NAALADL2: variants seen among roughly 807,000 people sequenced by gnomAD.
NAALADL2 encodes the protein inactive N-acetylated-alpha-linked acidic dipeptidase-like protein 2.
In NAALADL2, 76 loss-of-function variants were observed where a neutral mutation model predicts 87.2. That is an observed-to-expected ratio of 0.87 (90% CI 0.72 to 1.05). NAALADL2 has a LOEUF of 1.05. Ranked by LOEUF, NAALADL2 falls within the 50% of genes least tolerant of loss-of-function variation. The pLI is 0.00. For synonymous variants in NAALADL2, 354 were observed against 331.0 expected (o/e 1.07, Z -0.75); for missense variants, 1,089 against 945.8 (o/e 1.15, Z -1.99).
At chr3:174,965,312 A>G (rs1022986350) in intron 1 of NAALADL2, among the ~76,000 whole-genome samples, 1 of 152,156 alleles carries the variant, frequency 6.6e-6, no homozygotes, top group Non-Finnish European at 1.5e-5. Flanking sequence ...TCAAGGTCAA[A>G]TGAGGACAGA....
At chr3:175,710,261 T>A (rs185687753) in intron 11 of NAALADL2, among the ~76,000 whole-genome samples, 217 of 152,120 alleles carry the variant, frequency 1.4e-3, no homozygotes, top group Admixed American at 2.7e-3. Context: ...TATGAAGGTA[T>A]GGTATGTACC....
intron 5 of NAALADL2, among the ~76,000 whole-genome samples, chr3:175,432,059 A>G (rs2149165176): frequency 6.6e-6 from 1 of 152,180 alleles, no homozygotes; most frequent in East Asian, 1.9e-4. Flanking sequence ...CAGTAATGAC[A>G]TCAGAATTTT....
At chr3:175,601,242 C>A (rs1268266206) in intron 10 of NAALADL2, among the ~76,000 whole-genome samples, 1 of 151,986 alleles carries the variant, frequency 6.6e-6, no homozygotes, top group Non-Finnish European at 1.5e-5. Flanking sequence ...ATGTTTTAAA[C>A]TAATTAAAAT....
intron 3 of NAALADL2, among the ~76,000 whole-genome samples, chr3:174,834,125 T>G (rs1041096975): frequency 1.3e-5 from 2 of 148,630 alleles, no homozygotes; most frequent in African/African-American, 5.1e-5. Flanking sequence ...AAAGCAGGAT[T>G]TATTCCCAAA....
Position 175,013,301 on chromosome 3 carries a change from A to ATATATTTTTTTT in NAALADL2, c.44-83488_44-83487insATATTTTTTTTT, listed in dbSNP as rs1553916905. ...TACATATATATATATATATATATAT[A>ATATATTTTTTTT]TTTTTTTTTTTTTTTGAGACAGGGT... is the stretch of plus-strand genomic sequence containing the variant. On this transcript the variant is annotated intron_variant, in intron 1 of 13. Coordinates refer to ENST00000454872, the MANE Select transcript of NAALADL2 (RefSeq NM_207015.3). Among the ~76,000 whole-genome samples the ATATATTTTTTTT allele has an allele frequency of 1.1e-4, 8 of 72,074 alleles. 1 individual carries two copies. The highest frequency in any genetic ancestry group is 4.1e-4 in the East Asian group (1 of 2,410). 47.3% of individuals were successfully genotyped at this position (72,074 alleles called of 152,430 possible). A position where few individuals can be genotyped will look rare whatever the true frequency, so the allele number is the denominator to read the frequency against.
chr3:174,874,271 G>T (rs1054914530), intron 1 of NAALADL2, among the ~76,000 whole-genome samples: 1 of 152,110 alleles, frequency 6.6e-6, no homozygotes, highest in Non-Finnish European at 1.5e-5. Context: ...TTTGTGGAAA[G>T]CTCCAAATTC....
Position 175,503,278 on chromosome 3 carries a change from T to C in NAALADL2, c.1653+31520T>C, listed in dbSNP as rs527899055. 3.9e-5 allele frequency among the ~76,000 whole-genome samples: 6 copies of C among 152,230 alleles called. No homozygotes were observed. The East Asian group carries it at 1.2e-3, about 29-fold the overall frequency. ...ATGATCTCATTCTTTTTTATAGCTG[T>C]ATAGTGTCTCATGGTGTCTGTGTAC... On this transcript the variant is annotated intron_variant, in intron 9 of 13. Coordinates refer to ENST00000454872, the MANE Select transcript of NAALADL2 (RefSeq NM_207015.3).
At chr3:175,593,556 T>G (rs1230636888) in intron 10 of NAALADL2, among the ~76,000 whole-genome samples, 1 of 152,168 alleles carries the variant, frequency 6.6e-6, no homozygotes, top group Non-Finnish European at 1.5e-5. Flanking sequence ...GAGACTAAAA[T>G]TCCAATATCA....
Position 175,444,024 on chromosome 3 carries a change from G to T in NAALADL2, c.1091-3205G>T, listed in dbSNP as rs144829910. 4.1e-3 allele frequency among the ~76,000 whole-genome samples: 617 copies of T among 152,246 alleles called. 6 individuals are homozygous for T. The highest frequency in any genetic ancestry group is 0.014 in the African/African-American group (581 of 41,564). Reference sequence around the variant, plus strand: ...TGGCTTAAGCAAAAACATGGGGGACGTGGCTCATGGAGTATGTAAGGGTAT... The same window carrying T: ...TGGCTTAAGCAAAAACATGGGGGACTTGGCTCATGGAGTATGTAAGGGTAT... On this transcript the variant is annotated intron_variant, in intron 5 of 13. Coordinates refer to ENST00000454872, the MANE Select transcript of NAALADL2 (RefSeq NM_207015.3).
chr3:175,311,604 C>T (rs941987054), intron 4 of NAALADL2, among the ~76,000 whole-genome samples: 1 of 151,166 alleles, frequency 6.6e-6, no homozygotes, highest in East Asian at 2.0e-4. Flanking sequence ...CCTTACCCAC[C>T]CTCTTTCCTT....
intron 2 of NAALADL2, among the ~76,000 whole-genome samples, chr3:175,187,524 T>C (rs776565349): frequency 3.9e-5 from 6 of 152,218 alleles, no homozygotes; most frequent in Non-Finnish European, 8.8e-5. Context: ...TCTTTAATTA[T>C]GGCCAACACA....
intron 1 of NAALADL2, among the ~76,000 whole-genome samples, chr3:175,029,607 A>G (rs1752590845): frequency 6.6e-6 from 1 of 152,124 alleles, no homozygotes; most frequent in East Asian, 1.9e-4. Context: ...TGACCAAATA[A>G]CACTACACCT....
intron 1 of NAALADL2, among the ~76,000 whole-genome samples, chr3:174,975,108 G>A (rs1188296440): frequency 6.6e-6 from 1 of 152,038 alleles, no homozygotes; most frequent in East Asian, 1.9e-4. Flanking sequence ...ACTTAATATA[G>A]GAATTATGCC....
intron 1 of NAALADL2, among the ~76,000 whole-genome samples, chr3:174,445,113 C>T (rs866046150): frequency 9.3e-5 from 14 of 151,310 alleles, no homozygotes; most frequent in African/African-American, 2.7e-4. Flanking sequence ...GTGATAACCA[C>T]TATGTAAATG....
intron 2 of NAALADL2, among the ~76,000 whole-genome samples, chr3:175,199,495 A>T (rs898410988): frequency 5.3e-5 from 8 of 151,896 alleles, no homozygotes; most frequent in Non-Finnish European, 4.4e-5. Context: ...CATCCAAGGG[A>T]TGAGACTGTG....
At chr3:175,369,976 G>A (rs1378840014) in intron 5 of NAALADL2, among the ~76,000 whole-genome samples, 1 of 152,124 alleles carries the variant, frequency 6.6e-6, no homozygotes. Flanking sequence ...GGTTAATCCA[G>A]CTACCACAAG....
chr3:175,024,083 TA>T (rs145229624), intron 1 of NAALADL2, among the ~76,000 whole-genome samples: 8 of 151,710 alleles, frequency 5.3e-5, no homozygotes. Context: ...TTTTTTCTCC[TA>T]AAAAAAAGGA....
intron 5 of NAALADL2, among the ~76,000 whole-genome samples, chr3:175,445,251 C>CT (rs1720503844): frequency 6.6e-6 from 1 of 151,992 alleles, no homozygotes; most frequent in Admixed American, 6.5e-5. Context: ...TATTCGTGTA[C>CT]TTTTTTGTAC....
At chr3:175,486,946 T>C (rs940240683) in intron 9 of NAALADL2, among the ~76,000 whole-genome samples, 1 of 152,166 alleles carries the variant, frequency 6.6e-6, no homozygotes, top group African/African-American at 2.4e-5. Flanking sequence ...CCATCTAAGA[T>C]GATTTCAGTA....
Sources: allele counts gnomAD v4.1 joint callset (sites outside exome capture counted in the v4.1 genomes callset), GRCh38; gene constraint gnomAD v4.1.1; transcripts MANE v1.5; gene names NCBI Gene and HGNC (gene_info 2026-07-23, HGNC 2026-07-21).